The following NBAS variants were observed in gnomAD, a reference collection of about 807,000 sequenced individuals.
NBAS encodes the protein NBAS subunit of NRZ tethering complex.
NBAS carries 219 observed loss-of-function variants against 302.5 expected under a neutral mutation model. The ratio of observed to expected loss-of-function variants is 0.72; its 90% CI spans 0.65 to 0.81. The LOEUF (loss-of-function observed/expected upper bound fraction) is 0.81. Ranked by LOEUF, NBAS falls within the 30% of genes least tolerant of loss-of-function variation. The pLI is 0.00. For synonymous variants in NBAS, 1,118 were observed against 1,021.6 expected (o/e 1.09, Z -1.80); for missense variants, 2,932 against 2,841.6 (o/e 1.03, Z -0.72).
At chr2:14,864,697 G>C in the NBAS span, among the ~76,000 whole-genome samples, 1 of 152,138 alleles carries the variant, frequency 6.6e-6, no homozygotes, top group Non-Finnish European at 1.5e-5. Context: ...TATTCTGGCT[G>C]CCCAAGCTGT....
At chr2:15,318,580 G>T (rs549862319) in intron 38 of NBAS, among the ~76,000 whole-genome samples, 1 of 151,766 alleles carries the variant, frequency 6.6e-6, no homozygotes, top group African/African-American at 2.4e-5. Flanking sequence ...AAGCAAAAAA[G>T]AAAAGCAGGG....
At chr2:15,442,254 G>A (rs1572858308) in intron 21 of NBAS, among the ~76,000 whole-genome samples, 1 of 113,310 alleles carries the variant, frequency 8.8e-6, no homozygotes, top group Non-Finnish European at 1.9e-5. Context: ...CACATAGTTG[G>A]AAGCATTCCT....
rs866889288 is a variant in NBAS at position 15,239,403 on chromosome 2, A to G, written c.5725-717T>C. ...TGTATGTGTGCGTGTGTGTGTGTGT[A>G]TATATATATATATATATGTTGAGTA... is the stretch of plus-strand genomic sequence containing the variant. On this transcript the variant is annotated intron_variant, in intron 44 of 51. Coordinates refer to ENST00000281513, the MANE Select transcript of NBAS (RefSeq NM_015909.4). Among the ~76,000 whole-genome samples the G allele has an allele frequency of 2.5e-3, 344 of 138,376 alleles. 3 individuals carry two copies. The highest frequency in any genetic ancestry group is 8.9e-3 in the African/African-American group (322 of 36,334). 90.8% of individuals were successfully genotyped at this position (138,376 alleles called of 152,430 possible). A position where few individuals can be genotyped will look rare whatever the true frequency, so the allele number is the denominator to read the frequency against.
the NBAS span, among the ~76,000 whole-genome samples, chr2:14,965,603 G>T: frequency 6.6e-6 from 1 of 152,130 alleles, no homozygotes; most frequent in African/African-American, 2.4e-5. Context: ...ATTTAAGGAA[G>T]AAAATATGAC....
chr2:15,411,630 T>A lies in NBAS; in HGVS notation c.2937+3916A>T, dbSNP rs1455176788. 2.6e-5 allele frequency among the ~76,000 whole-genome samples: 4 copies of A among 152,070 alleles called. No homozygotes were observed. In the East Asian group the frequency reaches 7.7e-4, roughly 29 times the overall value. On this transcript the variant is annotated intron_variant, in intron 25 of 51. Coordinates refer to ENST00000281513, the MANE Select transcript of NBAS (RefSeq NM_015909.4). ...GCTCACTGACATATGTAATCAGAAG[T>A]GAAGAAAAAAGATGGCACCTAACAA... is the stretch of plus-strand genomic sequence containing the variant.
intron 44 of NBAS, among the ~76,000 whole-genome samples, chr2:15,271,195 CAA>C (rs1357513277): frequency 6.6e-6 from 1 of 152,122 alleles, no homozygotes; most frequent in African/African-American, 2.4e-5. Flanking sequence ...GAACAGCAAA[CAA>C]AGATACTCTT....
At chr2:15,409,519 T>C (rs1328444086) in intron 25 of NBAS, among the ~76,000 whole-genome samples, 1 of 152,246 alleles carries the variant, frequency 6.6e-6, no homozygotes, top group East Asian at 1.9e-4. Flanking sequence ...TCTTCAAGAT[T>C]TCAATTCTTT....
intron 47 of NBAS, among the ~76,000 whole-genome samples, chr2:15,223,283 G>A (rs115324538): frequency 1.7e-3 from 251 of 152,044 alleles, no homozygotes; most frequent in African/African-American, 5.6e-3. Flanking sequence ...AGGAAGAACC[G>A]TGATAAAATT....
intron 48 of NBAS, among the ~76,000 whole-genome samples, chr2:15,212,588 G>A (rs1558441891): frequency 6.6e-6 from 1 of 152,150 alleles, no homozygotes; most frequent in Non-Finnish European, 1.5e-5. Flanking sequence ...ATGTTTGGCT[G>A]TGTCCCCACC....
At chr2:15,495,816 A>G (rs1026569948) in intron 11 of NBAS, among the ~76,000 whole-genome samples, 1 of 152,182 alleles carries the variant, frequency 6.6e-6, no homozygotes, top group Non-Finnish European at 1.5e-5. Context: ...GAGACAATGG[A>G]AACACCATAC....
At position 15,461,698 on chromosome 2, in the gene NBAS, T is replaced by G. The variant is rs1166429526; in HGVS notation, c.2191A>C (p.Thr731Pro). Reference sequence around the variant, plus strand: ...AAAAAGCAAATTACCTGAGCATAAGTTCTTGCTGAGAGAACAATATTCTGA... The same window carrying G: ...AAAAAGCAAATTACCTGAGCATAAGGTCTTGCTGAGAGAACAATATTCTGA... ...RNQNIVLSAR[T>P]YAQESNVQAL... Residue 731 changes from threonine to proline, a missense_variant, in exon 20 of 52, where the codon ACT becomes CCT. Coordinates refer to ENST00000281513, the MANE Select transcript of NBAS (RefSeq NM_015909.4). The G allele has an allele frequency of 2.5e-6, 4 of 1,584,338 alleles. No individual in the cohort carries two copies. The South Asian group carries it at 4.4e-5, about 18-fold the overall frequency.
In NBAS at chr2:15,474,091, T is replaced by C. The variant is rs1680078785; in HGVS notation, c.1575A>G (p.Thr525=). The C allele has an allele frequency of 6.2e-7, 1 of 1,614,198 alleles. No individual in the cohort carries two copies. Among genetic ancestry groups the C allele is most frequent in the Admixed American group, 1.7e-5 (1 of 60,026 alleles). ...NYRLVSLRST[T]PEELYQRKIE... is the part of the protein sequence containing the mutation. ...CCTTCCTCTGATAAAGTTCCTCTGG[T>C]GTCGTGGAGCGCAAACTCACAAGGC... Residue 525 remains threonine, a synonymous_variant, in exon 15 of 52, where the codon ACA becomes ACG. Coordinates refer to ENST00000281513, the MANE Select transcript of NBAS (RefSeq NM_015909.4).
In NBAS at chr2:15,292,724, T is replaced by C. The variant is rs868025337; in HGVS notation, c.4840A>G (p.Thr1614Ala). 6 of 1,614,022 alleles carry C rather than the reference T, an allele frequency of 3.7e-6. No homozygotes were observed. In the Middle Eastern group the frequency reaches 6.6e-4, roughly 178 times the overall value. Reference protein sequence around the residue: ...ELIKMVTRHVTRHEHEAWPED... With the variant: ...ELIKMVTRHVARHEHEAWPED... ...GGCCAGGCTTCGTGCTCATGTCGAG[T>C]CACATGCCTGGTGACCATCTTGATT... is the stretch of plus-strand genomic sequence containing the variant. Residue 1614 changes from threonine to alanine, a missense_variant, in exon 41 of 52, where the codon ACT becomes GCT. Thr to Ala is a moderately conservative substitution (Grantham distance 58). Coordinates refer to ENST00000281513, the MANE Select transcript of NBAS (RefSeq NM_015909.4).
At chr2:14,876,352 A>G in the NBAS span, among the ~76,000 whole-genome samples, 1 of 152,224 alleles carries the variant, frequency 6.6e-6, no homozygotes, top group Non-Finnish European at 1.5e-5. Context: ...GATATAGTCC[A>G]GAACTCCATT....
chr2:15,196,991 A>G (rs1216043614), intron 48 of NBAS, among the ~76,000 whole-genome samples: 4 of 152,218 alleles, frequency 2.6e-5, no homozygotes, highest in Non-Finnish European at 5.9e-5. Context: ...ACAACACCAC[A>G]CAAAATGAAA....
chr2:14,785,107 T>G, the NBAS span, among the ~76,000 whole-genome samples: 1 of 152,208 alleles, frequency 6.6e-6, no homozygotes, highest in Non-Finnish European at 1.5e-5. Flanking sequence ...CACTCTTGAT[T>G]TGGCTCTCTG....
chr2:15,374,818 C>T, intron 30 of NBAS, 98 bp from the exon 31 acceptor site: 1 of 1,037,930 alleles, frequency 9.6e-7, no homozygotes, highest in South Asian at 1.3e-5. Flanking sequence ...CAAAAATCTA[C>T]CACATCCCAG....
At chr2:15,195,449 CAG>C (rs1665573196) in intron 48 of NBAS, among the ~76,000 whole-genome samples, 2 of 152,044 alleles carry the variant, frequency 1.3e-5, no homozygotes, top group East Asian at 1.9e-4. Context: ...TAATGGTTGT[CAG>C]GGGTTAGGGA....
intron 44 of NBAS, among the ~76,000 whole-genome samples, chr2:15,258,544 C>T (rs1446654404): frequency 6.6e-6 from 1 of 152,084 alleles, no homozygotes; most frequent in African/African-American, 2.4e-5. Flanking sequence ...TATAAACGGC[C>T]ACTCTGGGAG....
Sources: gnomAD v4.1 joint callset for allele counts (sites outside exome capture counted in the v4.1 genomes callset) on GRCh38, gnomAD v4.1.1 for gene constraint, MANE v1.5 for transcripts, NCBI Gene and HGNC (gene_info 2026-07-23, HGNC 2026-07-21) for gene names.